The following CHCHD3 variants were observed in gnomAD, a reference collection of about 807,000 sequenced individuals.
The protein encoded by CHCHD3 is coiled-coil-helix-coiled-coil-helix domain containing 3.
A neutral mutation model predicts 38.2 loss-of-function variants in CHCHD3; 20 were observed. That is an observed-to-expected ratio of 0.52 (90% CI 0.37 to 0.76). CHCHD3 has a LOEUF of 0.76. Among genes scored for constraint, CHCHD3 ranks in the 30% least tolerant of loss-of-function variants. The pLI is 0.00. For synonymous variants in CHCHD3, 82 were observed against 100.0 expected (o/e 0.82, Z 1.07); for missense variants, 245 against 279.2 (o/e 0.88, Z 0.87).
chr7:132,885,739 G>T lies in CHCHD3; in HGVS notation c.376C>A (p.Gln126Lys). 5.0e-6 allele frequency: 8 copies of T among 1,606,216 alleles called. No individual in the cohort carries two copies. The highest frequency in any genetic ancestry group is 6.8e-6 in the Non-Finnish European group (8 of 1,177,292). ...ERAKAKHLAR[Q>K]LEEKDRVLKK... ...AGCACTCGGTCTTTCTCTTCCAGCT[G>T]CCTAGCCTAAAAAAAGAAATGAGGA... Residue 126 changes from glutamine to lysine, a missense_variant, in exon 5 of 8, where the codon CAG becomes AAG. Gln to Lys is a moderately conservative substitution (Grantham distance 53). Transcript: ENST00000262570.
intron 1 of CHCHD3, among the ~76,000 whole-genome samples, chr7:133,074,170 A>G (rs1814910075): frequency 6.6e-6 from 1 of 152,196 alleles, no homozygotes; most frequent in African/African-American, 2.4e-5. Flanking sequence ...GCTCCTATAT[A>G]TTAAGTCATT....
In CHCHD3 at chr7:132,868,200, C is replaced by T. The variant is rs1808679467; in HGVS notation, c.453+17462G>A. Among the ~76,000 whole-genome samples the T allele has an allele frequency of 2.0e-5, 3 of 152,104 alleles. No individual in the cohort carries two copies. The South Asian group carries it at 6.2e-4, about 32-fold the overall frequency. ...AGGCCTAACTAACCAATATTCGTTG[C>T]TTTTTGCTTTTTAGGTAGAAGCAGC... On this transcript the variant is annotated intron_variant, in intron 5 of 7. Coordinates refer to ENST00000262570, the MANE Select transcript of CHCHD3 (RefSeq NM_017812.4).
At chr7:133,063,965 A>G (rs191489358) in intron 2 of CHCHD3, among the ~76,000 whole-genome samples, 263 of 151,852 alleles carry the variant, frequency 1.7e-3, no homozygotes, top group Middle Eastern at 6.8e-3. Context: ...GCTCAAGTTC[A>G]CTTCCCCTGA....
chr7:133,003,450 G>A (rs976718414), intron 3 of CHCHD3, among the ~76,000 whole-genome samples: 4 of 152,114 alleles, frequency 2.6e-5, no homozygotes, highest in African/African-American at 9.7e-5. Flanking sequence ...AATAACAAAT[G>A]CCACAATCAA....
intron 3 of CHCHD3, among the ~76,000 whole-genome samples, chr7:132,983,819 G>A (rs138564480): frequency 1.6e-4 from 25 of 152,308 alleles, no homozygotes; most frequent in African/African-American, 6.0e-4. Flanking sequence ...TTTGAGATAA[G>A]TGAATCCAGC....
chr7:132,878,349 AAAG>A (rs1440740839), intron 5 of CHCHD3, among the ~76,000 whole-genome samples: 7 of 110,860 alleles, frequency 6.3e-5, no homozygotes, highest in East Asian at 4.2e-4. Flanking sequence ...ACTAATTGAG[AAAG>A]AAGAAGTCAC....
chr7:132,942,385 ATGT>A (rs1420930864), intron 4 of CHCHD3, among the ~76,000 whole-genome samples: 4 of 152,128 alleles, frequency 2.6e-5, no homozygotes, highest in African/African-American at 4.8e-5. Flanking sequence ...GGAGTTCTTA[ATGT>A]TGTCATATCC....
intron 6 of CHCHD3, among the ~76,000 whole-genome samples, chr7:132,813,115 C>T (rs192792914): frequency 6.6e-6 from 1 of 152,320 alleles, no homozygotes; most frequent in Non-Finnish European, 1.5e-5. Flanking sequence ...CAGTGCTTGT[C>T]ACATCTGCCA....
intron 6 of CHCHD3, among the ~76,000 whole-genome samples, chr7:132,798,459 T>C (rs1261471352): frequency 1.3e-5 from 2 of 152,104 alleles, no homozygotes; most frequent in African/African-American, 4.8e-5. Flanking sequence ...CAGATACCAC[T>C]AAGTGACTAA....
At chr7:133,028,403 T>C (rs1321157225) in intron 2 of CHCHD3, among the ~76,000 whole-genome samples, 1 of 152,092 alleles carries the variant, frequency 6.6e-6, no homozygotes, top group Non-Finnish European at 1.5e-5. Context: ...TTGTCTTGGG[T>C]TTTTTGTCTG....
chr7:133,039,821 G>A (rs773361788), intron 2 of CHCHD3, among the ~76,000 whole-genome samples: 4 of 152,126 alleles, frequency 2.6e-5, no homozygotes, highest in African/African-American at 9.7e-5. Context: ...TTGCAGTTAG[G>A]AATAGCCTAG....
intron 6 of CHCHD3, among the ~76,000 whole-genome samples, chr7:132,819,884 T>C (rs1807300723): frequency 6.6e-6 from 1 of 152,218 alleles, no homozygotes; most frequent in African/African-American, 2.4e-5. Flanking sequence ...GCGGAAGGCC[T>C]TCCCTCCCTT....
At chr7:133,034,693 G>A (rs747500289) in intron 2 of CHCHD3, 3 of 1,612,900 alleles carry the variant, frequency 1.9e-6, no homozygotes, top group African/African-American at 1.3e-5. Context: ...ACCAGCGTCT[G>A]GGTCTCCTCT....
At chr7:132,985,308 C>T (rs1477650940) in intron 3 of CHCHD3, among the ~76,000 whole-genome samples, 1 of 67,092 alleles carries the variant, frequency 1.5e-5, no homozygotes, top group African/African-American at 5.8e-5. Flanking sequence ...GGCGCCTCTG[C>T]CCGGCCGCCC....
At chr7:132,994,464 T>C (rs572848076) in intron 3 of CHCHD3, among the ~76,000 whole-genome samples, 1 of 152,300 alleles carries the variant, frequency 6.6e-6, no homozygotes, top group African/African-American at 2.4e-5. Flanking sequence ...ACACCGCCAA[T>C]TGCTGTAAAG....
intron 6 of CHCHD3, among the ~76,000 whole-genome samples, chr7:132,812,165 T>C (rs191981739): frequency 1.4e-4 from 21 of 151,674 alleles, no homozygotes; most frequent in Admixed American, 1.4e-3. Flanking sequence ...TAAATTCTAA[T>C]AGATCTAGAA....
At chr7:132,983,614 G>A (rs1811978861) in intron 3 of CHCHD3, among the ~76,000 whole-genome samples, 1 of 152,124 alleles carries the variant, frequency 6.6e-6, no homozygotes, top group Non-Finnish European at 1.5e-5. Flanking sequence ...GATCTTTTGA[G>A]GTTCTCGTGT....
At chr7:132,872,363 C>T (rs1585591566) in intron 5 of CHCHD3, among the ~76,000 whole-genome samples, 2 of 152,234 alleles carry the variant, frequency 1.3e-5, no homozygotes, top group East Asian at 3.9e-4. Context: ...CTGTGGACAC[C>T]ATGGTTCAAG....
At chr7:132,862,629 C>G (rs1021509592) in intron 5 of CHCHD3, among the ~76,000 whole-genome samples, 7 of 152,164 alleles carry the variant, frequency 4.6e-5, no homozygotes, top group South Asian at 2.1e-4. Context: ...TCAATTCATT[C>G]TCAGGGGAGA....
Sources: gnomAD v4.1 joint callset for allele counts (sites outside exome capture counted in the v4.1 genomes callset) on GRCh38, gnomAD v4.1.1 for gene constraint, MANE v1.5 for transcripts, NCBI Gene and HGNC (gene_info 2026-07-23, HGNC 2026-07-21) for gene names.